Variants in SLCO5A1 observed in about 807,000 individuals in gnomAD.
SLCO5A1 encodes the protein organic anion transporter polypeptide-related protein 4.
In SLCO5A1, 39 loss-of-function variants were observed where a neutral mutation model predicts 65.1. The observed-to-expected ratio is 0.60, with a 90% confidence interval of 0.46 to 0.78. The LOEUF (loss-of-function observed/expected upper bound fraction) is 0.78. SLCO5A1 is among the 30% of genes least tolerant of loss of function. The pLI is 0.00. For synonymous variants in SLCO5A1, 438 were observed against 415.7 expected (o/e 1.05, Z -0.65); for missense variants, 1,029 against 1,069.4 (o/e 0.96, Z 0.53).
At chr8:69,718,666 G>T (rs1399967945) in intron 5 of SLCO5A1, among the ~76,000 whole-genome samples, 1 of 152,148 alleles carries the variant, frequency 6.6e-6, no homozygotes. Flanking sequence ...ACAAAAATAT[G>T]TAATTTTTAA....
intron 4 of SLCO5A1, among the ~76,000 whole-genome samples, chr8:69,745,158 T>C (rs1816964650): frequency 6.6e-6 from 1 of 151,094 alleles, no homozygotes; most frequent in Non-Finnish European, 1.5e-5. Flanking sequence ...TGACATTTTC[T>C]TCAAGATTCA....
chr8:69,732,131 A>G (rs1816363546), intron 5 of SLCO5A1, among the ~76,000 whole-genome samples: 1 of 152,246 alleles, frequency 6.6e-6, no homozygotes, highest in South Asian at 2.1e-4. Flanking sequence ...ATTTAAGTTC[A>G]GTGGCACTGC....
intron 2 of SLCO5A1, among the ~76,000 whole-genome samples, chr8:69,825,618 T>C (rs572363779): frequency 6.6e-6 from 1 of 151,910 alleles, no homozygotes; most frequent in Admixed American, 6.6e-5. Flanking sequence ...CACTGCTCAA[T>C]GAAATAAAAG....
At position 69,669,101 on chromosome 8, in the gene SLCO5A1, C is replaced by T. The variant is rs923995897; in HGVS notation, c.*3768G>A. 3.9e-5 allele frequency: 6 copies of T among 151,932 alleles called. No homozygotes were observed. In the South Asian group the frequency reaches 1.2e-3, roughly 32 times the overall value. 9.4% of individuals were successfully genotyped at this position (151,932 alleles called of 1,614,324 possible). A position where few individuals can be genotyped will look rare whatever the true frequency, so the allele number is the denominator to read the frequency against. On this transcript the variant is annotated 3_prime_UTR_variant, in exon 10 of 10. Coordinates refer to ENST00000260126, the MANE Select transcript of SLCO5A1 (RefSeq NM_030958.3). ...ACTCTGCCGAGACCCGATGTTAACACGAAGACTAGATTTGTTCTGTATTAA... is the reference window on the plus strand; with the variant it reads ...ACTCTGCCGAGACCCGATGTTAACATGAAGACTAGATTTGTTCTGTATTAA...
chr8:69,774,255 T>G (rs1463771882), intron 2 of SLCO5A1, among the ~76,000 whole-genome samples: 2 of 152,180 alleles, frequency 1.3e-5, no homozygotes. Flanking sequence ...TGCTAGGCCC[T>G]CAGGGCTGCC....
chr8:69,828,943 C>T (rs894564413), intron 2 of SLCO5A1, among the ~76,000 whole-genome samples: 1 of 152,128 alleles, frequency 6.6e-6, no homozygotes, highest in African/African-American at 2.4e-5. Flanking sequence ...TGTATTGATG[C>T]TACCAAAAGT....
At chr8:69,827,626 TATA>T (rs1820979386) in intron 2 of SLCO5A1, among the ~76,000 whole-genome samples, 1 of 152,172 alleles carries the variant, frequency 6.6e-6, no homozygotes, top group African/African-American at 2.4e-5. Context: ...CCTCTGAGGT[TATA>T]ATGAGAAGTT....
rs1821230401 is a variant in SLCO5A1 at position 69,832,774 on chromosome 8, C to T, written c.-101G>A. 1 of 1,376,296 alleles carries T rather than the reference C, an allele frequency of 7.3e-7. No homozygotes were observed. The highest frequency in any genetic ancestry group is 9.7e-7 in the Non-Finnish European group (1 of 1,033,914). 85.3% of individuals were successfully genotyped at this position (1,376,296 alleles called of 1,614,324 possible). On this transcript the variant is annotated 5_prime_UTR_variant, in exon 2 of 10. Coordinates refer to ENST00000260126, the MANE Select transcript of SLCO5A1 (RefSeq NM_030958.3). The surrounding 1 kb of genome is among the most constrained non-coding windows in gnomAD (Gnocchi z 4.5). ...CGAAGCCGGGCCCAGTCAGTCTTGC[C>T]CACCTGGGACTGGGGCTGGGGGCGC...
intron 4 of SLCO5A1, among the ~76,000 whole-genome samples, chr8:69,748,167 G>C (rs10106282): frequency 0.12 from 18,876 of 152,130 alleles, 2,103 homozygotes; most frequent in African/African-American, 0.3. Flanking sequence ...ACAGTCACCT[G>C]GCAGCTTAGC....
chr8:69,672,564 A>T lies in SLCO5A1; in HGVS notation c.*305T>A, dbSNP rs1017188157. On this transcript the variant is annotated 3_prime_UTR_variant, in exon 10 of 10. Transcript: ENST00000260126. ...GATATGCACCGCCATTCCCCTTCCCATGGTTTTGCTAACCGTGTACCTCAG... is the reference window on the plus strand; with the variant it reads ...GATATGCACCGCCATTCCCCTTCCCTTGGTTTTGCTAACCGTGTACCTCAG... 9.5e-6 allele frequency: 3 copies of T among 317,430 alleles called. No individual in the cohort carries two copies. The highest frequency in any genetic ancestry group is 5.3e-5 in the East Asian group (1 of 18,956). 19.7% of individuals were successfully genotyped at this position (317,430 alleles called of 1,614,324 possible). A position where few individuals can be genotyped will look rare whatever the true frequency, so the allele number is the denominator to read the frequency against.
chr8:69,724,434 G>C (rs1405982712), intron 5 of SLCO5A1, among the ~76,000 whole-genome samples: 3 of 152,104 alleles, frequency 2.0e-5, no homozygotes, highest in Non-Finnish European at 4.4e-5. Flanking sequence ...ATTGCAAATA[G>C]AGATAGGAGA....
chr8:69,796,440 C>T (rs147672776), intron 2 of SLCO5A1, among the ~76,000 whole-genome samples: 64 of 151,948 alleles, frequency 4.2e-4, no homozygotes, highest in Middle Eastern at 3.4e-3. Context: ...ACAGCAAGAC[C>T]CTGCCTCTAC....
intron 2 of SLCO5A1, among the ~76,000 whole-genome samples, chr8:69,818,300 G>A (rs545295565): frequency 1.3e-5 from 2 of 152,318 alleles, no homozygotes; most frequent in African/African-American, 4.8e-5. Context: ...CACTGAAAAG[G>A]GCCAAATATC....
At chr8:69,695,576 C>T (rs113580310) in intron 6 of SLCO5A1, among the ~76,000 whole-genome samples, 4,542 of 151,356 alleles carry the variant, frequency 0.03, 240 homozygotes, top group African/African-American at 0.1. Flanking sequence ...TTAACCCTTC[C>T]GCACTATTTT....
chr8:69,758,331 C>A (rs762426036), intron 3 of SLCO5A1, among the ~76,000 whole-genome samples: 8 of 152,036 alleles, frequency 5.3e-5, no homozygotes, highest in Non-Finnish European at 1.0e-4. Context: ...GGACTACAGG[C>A]GCAGTGGCTA....
intron 7 of SLCO5A1, among the ~76,000 whole-genome samples, chr8:69,681,542 G>A (rs761593511): frequency 2.0e-5 from 3 of 152,114 alleles, no homozygotes; most frequent in East Asian, 1.9e-4. Flanking sequence ...GAGGTGAGCC[G>A]AGATCATGCC....
At chr8:69,768,006 G>T (rs757296105) in intron 2 of SLCO5A1, among the ~76,000 whole-genome samples, 1 of 151,932 alleles carries the variant, frequency 6.6e-6, no homozygotes, top group Non-Finnish European at 1.5e-5. Flanking sequence ...GCTGAGGCAG[G>T]CTGATTGCTT....
At position 69,761,803 on chromosome 8, in the gene SLCO5A1, T is replaced by G; in HGVS notation, c.980A>C (p.Tyr327Ser). Residue 327 changes from tyrosine to serine, a missense_variant, in exon 3 of 10, where the codon TAT becomes TCT. This residue lies in a region of SLCO5A1 where 647 missense variants were observed against 647.5 expected (regional missense o/e 1.00). Coordinates refer to ENST00000260126, the MANE Select transcript of SLCO5A1 (RefSeq NM_030958.3). ...YLLGGLLIGF[Y>S]VDPRNPVHLD... ...GTGAACAGGATTTCTGGGATCAACATAAAAACCAATAAGAAGTCCACCTAA... is the reference window on the plus strand; with the variant it reads ...GTGAACAGGATTTCTGGGATCAACAGAAAAACCAATAAGAAGTCCACCTAA... The G allele has an allele frequency of 6.2e-7, 1 of 1,613,938 alleles. No homozygotes were observed. Among genetic ancestry groups the G allele is most frequent in the South Asian group, 1.1e-5 (1 of 91,078 alleles).
intron 2 of SLCO5A1, among the ~76,000 whole-genome samples, chr8:69,831,410 A>G (rs1180045944): frequency 6.6e-6 from 1 of 152,226 alleles, no homozygotes; most frequent in Non-Finnish European, 1.5e-5. Context: ...AACTTTACAC[A>G]TGAGGTACTG....
Sources: allele counts gnomAD v4.1 joint callset (sites outside exome capture counted in the v4.1 genomes callset), GRCh38; gene constraint gnomAD v4.1.1; regional missense constraint gnomAD v4.1.1; non-coding constraint Gnocchi (gnomAD v3.1); transcripts MANE v1.5; gene names NCBI Gene and HGNC (gene_info 2026-07-23, HGNC 2026-07-21).